SEMA3C: variants seen among roughly 807,000 people sequenced by gnomAD.
SEMA3C encodes semaphorin 3C, also known as semaphorin-3C.
In SEMA3C, 47 loss-of-function variants were observed where a neutral mutation model predicts 89.4. The ratio of observed to expected loss-of-function variants is 0.53; its 90% confidence interval spans 0.42 to 0.67. SEMA3C has a LOEUF of 0.67. Ranked by LOEUF, SEMA3C falls within the 30% of genes least tolerant of loss-of-function variation. The probability of loss-of-function intolerance (pLI) is 0.00; values close to 1 mark genes in which losing one functional copy is unlikely to be tolerated. For synonymous variants in SEMA3C, 310 were observed against 320.2 expected (o/e 0.97, Z 0.34); for missense variants, 839 against 929.1 (o/e 0.90, Z 1.26).
At chr7:80,874,896 C>T (rs1210428933) in intron 2 of SEMA3C, among the ~76,000 whole-genome samples, 1 of 152,024 alleles carries the variant, frequency 6.6e-6, no homozygotes, top group East Asian at 1.9e-4. Flanking sequence ...GCCTGACCAA[C>T]AAGATGAAAC....
At chr7:80,766,932 G>A (rs982982259) in intron 12 of SEMA3C, among the ~76,000 whole-genome samples, 21 of 152,146 alleles carry the variant, frequency 1.4e-4, no homozygotes, top group African/African-American at 2.2e-4. Flanking sequence ...CTCCTCCCAC[G>A]TGCTGGCAGG....
At chr7:80,812,616 A>G (rs114455772) in intron 5 of SEMA3C, among the ~76,000 whole-genome samples, 125 of 152,202 alleles carry the variant, frequency 8.2e-4, no homozygotes, top group African/African-American at 2.9e-3. Context: ...ATTGCACAGC[A>G]CTCTAGATCT....
chr7:80,877,797 G>T (rs1425842247), intron 2 of SEMA3C, among the ~76,000 whole-genome samples: 1 of 151,726 alleles, frequency 6.6e-6, no homozygotes, highest in Non-Finnish European at 1.5e-5. Context: ...TTTTTTTTCA[G>T]AGTATAACTT....
chr7:80,886,764 A>G (rs1429741731), intron 2 of SEMA3C, among the ~76,000 whole-genome samples: 2 of 152,232 alleles, frequency 1.3e-5, no homozygotes, highest in African/African-American at 2.4e-5. Flanking sequence ...TAAATGTTGC[A>G]TCATAAAATT....
intron 2 of SEMA3C, among the ~76,000 whole-genome samples, chr7:80,859,209 T>C (rs1015306654): frequency 1.3e-5 from 2 of 152,086 alleles, no homozygotes; most frequent in Admixed American, 6.6e-5. Flanking sequence ...ATTTTTCCTA[T>C]AGAGATGAGC....
At chr7:80,901,418 T>C (rs1212675497) in intron 2 of SEMA3C, among the ~76,000 whole-genome samples, 1 of 152,206 alleles carries the variant, frequency 6.6e-6, no homozygotes, top group African/African-American at 2.4e-5. Flanking sequence ...AGAGTTGTAG[T>C]CTTACAGTTT....
chr7:80,899,428 A>G (rs1178833171), intron 2 of SEMA3C, among the ~76,000 whole-genome samples: 22 of 152,216 alleles, frequency 1.4e-4, no homozygotes, highest in Non-Finnish European at 2.9e-5. Context: ...GATATGACAT[A>G]TTGTTAGAAA....
At chr7:80,765,117 C>A in intron 13 of SEMA3C, 38 bp downstream of exon 13, 1 of 1,392,686 alleles carries the variant, frequency 7.2e-7, no homozygotes, top group Admixed American at 1.8e-5. Flanking sequence ...TTCCACTCAT[C>A]ATGCATGTTC....
At chr7:80,877,126 G>A (rs114731498) in intron 2 of SEMA3C, among the ~76,000 whole-genome samples, 1,854 of 152,268 alleles carry the variant, frequency 0.012, 30 homozygotes, top group African/African-American at 0.039. Context: ...TTCTGAGTCA[G>A]CCTTGTAAAG....
chr7:80,757,535 T>C (rs1788091936), intron 15 of SEMA3C, among the ~76,000 whole-genome samples: 3 of 152,214 alleles, frequency 2.0e-5, no homozygotes, highest in African/African-American at 7.2e-5. Flanking sequence ...AATCAAGGTA[T>C]CCATGCTGAA....
chr7:80,829,030 G>A (rs759343912), intron 2 of SEMA3C, among the ~76,000 whole-genome samples: 1 of 152,012 alleles, frequency 6.6e-6, no homozygotes, highest in African/African-American at 2.4e-5. Flanking sequence ...AACTGGGCAT[G>A]GTGGTATGTG....
At chr7:80,818,505 A>G in intron 4 of SEMA3C, 87 bp from the exon 5 acceptor site, 1 of 1,435,686 alleles carries the variant, frequency 7.0e-7, no homozygotes, top group Admixed American at 1.9e-5. Flanking sequence ...ATCTTGTATG[A>G]TAAGTAACAA....
intron 2 of SEMA3C, among the ~76,000 whole-genome samples, chr7:80,891,906 G>C (rs570785175): frequency 2.0e-4 from 31 of 152,092 alleles, no homozygotes; most frequent in African/African-American, 7.2e-4. Flanking sequence ...ATTAGCAATA[G>C]TTTTATAATT....
intron 12 of SEMA3C, among the ~76,000 whole-genome samples, chr7:80,780,745 G>T (rs374532326): frequency 1.4e-4 from 21 of 151,964 alleles, no homozygotes; most frequent in African/African-American, 4.8e-4. Context: ...TTAGCCAGGC[G>T]CGGTGGTGTG....
chr7:80,914,121 GAAACT>G (rs1792217039), intron 2 of SEMA3C, among the ~76,000 whole-genome samples: 1 of 152,186 alleles, frequency 6.6e-6, no homozygotes, highest in South Asian at 2.1e-4. Flanking sequence ...AATACAACTT[GAAACT>G]ATCTGAATTT....
At chr7:80,785,697 A>T (rs1204029105) in intron 12 of SEMA3C, among the ~76,000 whole-genome samples, 1 of 152,122 alleles carries the variant, frequency 6.6e-6, no homozygotes, top group African/African-American at 2.4e-5. Flanking sequence ...TTCACTCACC[A>T]CAACCTCCAC....
Position 80,768,512 on chromosome 7 carries a change from T to TA in SEMA3C, c.1355-3270dup, listed in dbSNP as rs10562607. ...CTGGGCGACAGAGCGAGACTCCGTC[T>TA]AAAAAAAAAAAAAAAAGAATTACCC... On this transcript the variant is annotated intron_variant, in intron 12 of 17. Transcript: ENST00000265361. Among the ~76,000 whole-genome samples, 99 of 134,142 alleles carry TA rather than the reference T, an allele frequency of 7.4e-4. 1 individual carries two copies. The highest frequency in any genetic ancestry group is 9.5e-4 in the South Asian group (4 of 4,230). 88.0% of individuals were successfully genotyped at this position (134,142 alleles called of 152,430 possible).
chr7:80,749,065 G>A (rs774500846), intron 16 of SEMA3C, 37 bp from the exon 17 acceptor site: 2 of 1,559,052 alleles, frequency 1.3e-6, no homozygotes, highest in East Asian at 2.3e-5. Context: ...GAGAAAGAAA[G>A]AACACAACTG....
intron 12 of SEMA3C, among the ~76,000 whole-genome samples, chr7:80,782,690 C>T (rs1306356453): frequency 3.3e-5 from 5 of 152,108 alleles, no homozygotes; most frequent in Admixed American, 3.3e-4. Flanking sequence ...AAATGCAACT[C>T]ATTCATTCAA....
Sources: gnomAD v4.1 joint callset for allele counts (sites outside exome capture counted in the v4.1 genomes callset) on GRCh38, gnomAD v4.1.1 for gene constraint, MANE v1.5 for transcripts, NCBI Gene and HGNC (gene_info 2026-07-23, HGNC 2026-07-21) for gene names.